Variants in NXPH2 observed in about 807,000 individuals in gnomAD.
NXPH2 encodes neurexophilin 2.
In NXPH2, 5 loss-of-function variants were observed where a neutral mutation model predicts 19.8. The observed-to-expected ratio is 0.25, with a 90% CI of 0.13 to 0.53. The LOEUF (loss-of-function observed/expected upper bound fraction) is 0.53. Among genes scored for constraint, NXPH2 ranks in the 20% least tolerant of loss-of-function variants. The pLI is 0.96. For synonymous variants in NXPH2, 154 were observed against 127.4 expected (o/e 1.21, Z -1.41); for missense variants, 289 against 322.8 (o/e 0.90, Z 0.80).
intron 1 of NXPH2, among the ~76,000 whole-genome samples, chr2:138,724,118 T>A (rs1279382106): frequency 6.6e-6 from 1 of 152,144 alleles, no homozygotes; most frequent in East Asian, 1.9e-4. Flanking sequence ...AAGGCCTCAG[T>A]GTGTGTTGTT....
chr2:138,704,049 C>T (rs976434739), intron 1 of NXPH2, among the ~76,000 whole-genome samples: 3 of 152,160 alleles, frequency 2.0e-5, no homozygotes, highest in East Asian at 1.9e-4. Context: ...TGCCCATACC[C>T]GAATGTGAAC....
At chr2:138,689,993 T>C (rs780703022) in intron 1 of NXPH2, among the ~76,000 whole-genome samples, 1 of 152,204 alleles carries the variant, frequency 6.6e-6, no homozygotes, top group Admixed American at 6.5e-5. Context: ...AGTAAAGTTA[T>C]CCAGAAACTC....
At chr2:138,734,441 A>G (rs4130252) in intron 1 of NXPH2, among the ~76,000 whole-genome samples, 32,450 of 152,138 alleles carry the variant, frequency 0.21, 4,045 homozygotes, top group East Asian at 0.53. Flanking sequence ...AGAGAAAGGC[A>G]ATGAGGTAAA....
At chr2:138,719,646 T>C (rs2104992812) in intron 1 of NXPH2, among the ~76,000 whole-genome samples, 1 of 152,260 alleles carries the variant, frequency 6.6e-6, no homozygotes, top group South Asian at 2.1e-4. Flanking sequence ...GGTGGGAAGA[T>C]CGCTTGAGCC....
Position 138,770,080 on chromosome 2 carries a change from A to G in NXPH2, c.51+10111T>C, listed in dbSNP as rs1185228586. ...GGTTGAGGAAAAAACCTGAGTGGTA[A>G]GTAGTCATAAAGGAAATAAAAAGTT... On this transcript the variant is annotated intron_variant, in intron 1 of 1. Coordinates refer to ENST00000272641, the MANE Select transcript of NXPH2 (RefSeq NM_007226.3). 2.0e-5 allele frequency among the ~76,000 whole-genome samples: 3 copies of G among 152,188 alleles called. No homozygotes were observed. In the East Asian group the frequency reaches 5.8e-4, roughly 29 times the overall value.
chr2:138,764,255 T>A (rs1162877048), intron 1 of NXPH2, among the ~76,000 whole-genome samples: 1 of 152,068 alleles, frequency 6.6e-6, no homozygotes, highest in Non-Finnish European at 1.5e-5. Flanking sequence ...TCCAAAAGAA[T>A]CATGAACTCA....
At chr2:138,765,600 C>T (rs1021478942) in intron 1 of NXPH2, among the ~76,000 whole-genome samples, 26 of 152,156 alleles carry the variant, frequency 1.7e-4, no homozygotes, top group African/African-American at 6.0e-4. Context: ...GTTTACATTT[C>T]AGTAAACTTG....
At chr2:138,713,823 T>C (rs1175685665) in intron 1 of NXPH2, among the ~76,000 whole-genome samples, 1 of 152,154 alleles carries the variant, frequency 6.6e-6, no homozygotes, top group East Asian at 1.9e-4. Context: ...GTGTTCCTTA[T>C]CAAACCTTTC....
intron 1 of NXPH2, among the ~76,000 whole-genome samples, chr2:138,766,702 C>T (rs895987838): frequency 6.6e-6 from 1 of 152,106 alleles, no homozygotes; most frequent in East Asian, 1.9e-4. Context: ...GAAAAGACCA[C>T]CTTCATTTTG....
Position 138,746,216 on chromosome 2 carries a change from C to G in NXPH2, c.51+33975G>C, listed in dbSNP as rs1327057839. Among the ~76,000 whole-genome samples the G allele has an allele frequency of 2.6e-5, 4 of 152,188 alleles. 1 individual carries two copies. The South Asian group carries it at 6.2e-4, about 24-fold the overall frequency. On this transcript the variant is annotated intron_variant, in intron 1 of 1. Transcript: ENST00000272641. ...TTCAATTTTACAAAATAGAGATGTC[C>G]CTGGGTACCTATGGAGACTTCTTCA...
intron 1 of NXPH2, among the ~76,000 whole-genome samples, chr2:138,694,369 A>G (rs933013675): frequency 6.6e-6 from 1 of 152,208 alleles, no homozygotes; most frequent in Admixed American, 6.6e-5. Flanking sequence ...TAATCAAGAT[A>G]GTTATTATGG....
chr2:138,700,209 C>T (rs1297537803), intron 1 of NXPH2, among the ~76,000 whole-genome samples: 4 of 152,202 alleles, frequency 2.6e-5, no homozygotes, highest in African/African-American at 9.6e-5. Flanking sequence ...CATCTAATAG[C>T]CCATTTTAAT....
chr2:138,735,495 A>G (rs1211800059), intron 1 of NXPH2, among the ~76,000 whole-genome samples: 2 of 152,176 alleles, frequency 1.3e-5, no homozygotes, highest in Non-Finnish European at 2.9e-5. Context: ...TCACAAGAAC[A>G]GTATGGAAGA....
chr2:138,775,395 T>G (rs1211879699), intron 1 of NXPH2, among the ~76,000 whole-genome samples: 2 of 152,130 alleles, frequency 1.3e-5, no homozygotes, highest in South Asian at 4.1e-4. Flanking sequence ...ACTTATACTG[T>G]AAATTGCTTT....
rs942011857 is a variant in NXPH2 at position 138,671,314 on chromosome 2, C to T, written c.403G>A (p.Val135Ile). 2.5e-6 allele frequency: 4 copies of T among 1,613,852 alleles called. No homozygotes were observed. The highest frequency in any genetic ancestry group is 3.4e-6 in the Non-Finnish European group (4 of 1,179,806). Residue 135 changes from valine (V) to isoleucine (I), a missense_variant, in exon 2 of 2, where the codon GTT becomes ATT. By Grantham distance (29) the Val-to-Ile change is conservative (BLOSUM62 3). Transcript: ENST00000272641. ...CTGAAGGTTCCATTTCCATGGTCAA[C>T]AATTTTCCCTGTGATGAGGAGATTG... Reference protein sequence around the residue: ...KLNLLITGKIVDHGNGTFSVY... With the variant: ...KLNLLITGKIIDHGNGTFSVY...
At chr2:138,692,577 A>G (rs971794418) in intron 1 of NXPH2, among the ~76,000 whole-genome samples, 4 of 152,190 alleles carry the variant, frequency 2.6e-5, no homozygotes, top group African/African-American at 9.6e-5. Context: ...TGGAGCAAGT[A>G]TTGTTAATGT....
chr2:138,769,279 G>C (rs1355431236), intron 1 of NXPH2, among the ~76,000 whole-genome samples: 1 of 152,134 alleles, frequency 6.6e-6, no homozygotes, highest in Non-Finnish European at 1.5e-5. Flanking sequence ...AATGGGACTT[G>C]GAAGGAAATT....
intron 1 of NXPH2, among the ~76,000 whole-genome samples, chr2:138,683,354 AC>A (rs1253637494): frequency 2.6e-5 from 4 of 152,148 alleles, no homozygotes; most frequent in African/African-American, 9.7e-5. Context: ...CTATGTCTTG[AC>A]CGCTAAAAGT....
At chr2:138,702,492 C>T (rs1224301407) in intron 1 of NXPH2, among the ~76,000 whole-genome samples, 3 of 152,084 alleles carry the variant, frequency 2.0e-5, no homozygotes, top group Admixed American at 1.3e-4. Flanking sequence ...GTCCAATAGC[C>T]TCTTCTCACC....
Sources: gnomAD v4.1 joint callset for allele counts (sites outside exome capture counted in the v4.1 genomes callset) on GRCh38, gnomAD v4.1.1 for gene constraint, MANE v1.5 for transcripts, NCBI Gene and HGNC (gene_info 2026-07-23, HGNC 2026-07-21) for gene names.